The following TMPRSS9 variants were observed in gnomAD, a reference collection of about 807,000 sequenced individuals.
TMPRSS9 encodes the protein transmembrane serine protease 9, also known as transmembrane protease serine 9.
In TMPRSS9, 113 loss-of-function variants were observed where a neutral mutation model predicts 111.4. That is an observed-to-expected ratio of 1.01 (90% CI 0.87 to 1.19). The LOEUF (loss-of-function observed/expected upper bound fraction) is 1.19. TMPRSS9 is among the 50% of genes most tolerant of loss of function. TMPRSS9 has a pLI of 0.00. For synonymous variants in TMPRSS9, 805 were observed against 659.1 expected, an observed-to-expected ratio of 1.22 and a Z score of -3.39; for missense variants, 1,803 against 1,513.1, an observed-to-expected ratio of 1.19 and a Z score of -3.18.
intron 17 of TMPRSS9, 63 bp downstream of exon 18, chr19:2,425,556 G>A: frequency 4.1e-6 from 6 of 1,454,358 alleles, no homozygotes; most frequent in South Asian, 4.0e-5. Flanking sequence ...GCGGGTTCCC[G>A]CTGCCACGAA....
At chr19:2,413,231 G>GT (rs1350185027) in intron 9 of TMPRSS9, among the ~76,000 whole-genome samples, 3 of 151,982 alleles carry the variant, frequency 2.0e-5, no homozygotes, top group Admixed American at 6.6e-5. Flanking sequence ...TACACAGAAC[G>GT]TAAGGGTCAG....
exon 11 of TMPRSS9, chr19:2,415,797 G>C: frequency 1.2e-6 from 2 of 1,605,624 alleles, no homozygotes; most frequent in South Asian, 2.2e-5. Flanking sequence ...GAGCAACTGT[G>C]GTGGGGGACC....
chr19:2,368,142 T>A (rs1970261879), intron 1 of TMPRSS9, among the ~76,000 whole-genome samples: 1 of 152,174 alleles, frequency 6.6e-6, no homozygotes, highest in Non-Finnish European at 1.5e-5. Flanking sequence ...AATAACTTGC[T>A]CTTTCAGGAG....
At position 2,413,738 on chromosome 19, in the gene TMPRSS9, TG is replaced by T. The variant is rs757071710; in HGVS notation, c.1295del (p.Gly432AlafsTer9). On this transcript the variant is annotated frameshift_variant, in exon 10 of 18. Transcript: ENST00000648592. LOFTEE classifies it high-confidence loss of function. ...GACCCCTGGTCTGCGAGGAGCCCTC[TG>T]GCCGGTTCTTTCTGGCTGGCATCGT... is the stretch of plus-strand genomic sequence containing the variant. 1.2e-6 allele frequency: 2 copies of T among 1,613,714 alleles called. No individual in the cohort carries two copies. The highest frequency in any genetic ancestry group is 2.2e-5 in the South Asian group (2 of 91,088).
chr19:2,422,543 C>A (rs1240750144), intron 14 of TMPRSS9, among the ~76,000 whole-genome samples: 2 of 152,134 alleles, frequency 1.3e-5, no homozygotes, highest in Non-Finnish European at 2.9e-5. Flanking sequence ...TGCCACTGCA[C>A]TCCAGCCTGG....
At chr19:2,385,159 AGGGCGGGGCTCGCGGG>A (rs1424692975), upstream of TMPRSS9, among the ~76,000 whole-genome samples, 356 of 29,494 alleles carry the variant, frequency 0.012, 1 homozygote, top group Admixed American at 0.028. Context: ...GAGCTCGCGG[AGGGCGGGGCTCGCGGG>A]GGGCGGGGCT....
chr19:2,416,315 TCCCC>T, intron 11 of TMPRSS9: 1 of 582,384 alleles, frequency 1.7e-6, no homozygotes, highest in East Asian at 2.9e-5. Flanking sequence ...AGCCTGAGGG[TCCCC>T]TGACTTGTCC....
chr19:2,377,468 T>TCCC (rs1970346463), intron 1 of TMPRSS9, among the ~76,000 whole-genome samples: 2 of 50,498 alleles, frequency 4.0e-5, no homozygotes, highest in Middle Eastern at 9.3e-3. Context: ...CCCTCTCCCC[T>TCCC]CTCCCCTCTC....
chr19:2,410,192 C>T (rs1291567952), intron 8 of TMPRSS9, 66 bp from the exon 10 acceptor site: 2 of 1,595,688 alleles, frequency 1.3e-6, no homozygotes, highest in Admixed American at 3.4e-5. Context: ...CCTTCAGCCT[C>T]CCAGCTCAAA....
chr19:2,425,322 T>A, intron 16 of TMPRSS9, 35 bp from the exon 18 acceptor site: 1 of 1,308,894 alleles, frequency 7.6e-7, no homozygotes, highest in East Asian at 3.7e-5. Flanking sequence ...CCGGACGCGG[T>A]CCCCACCCGC....
exon 6 of TMPRSS9, chr19:2,403,174 G>C: frequency 6.2e-7 from 1 of 1,610,522 alleles, no homozygotes; most frequent in Non-Finnish European, 8.5e-7. Context: ...CTGCTCCGAT[G>C]GGTCCGACGA....
chr19:2,406,365 C>T (rs1474505631), intron 7 of TMPRSS9, among the ~76,000 whole-genome samples: 11 of 150,344 alleles, frequency 7.3e-5, no homozygotes, highest in African/African-American at 2.5e-4. Flanking sequence ...CTCAGTCTGT[C>T]GCCCTGGCTG....
chr19:2,424,532 CG>C (rs1347890804), intron 15 of TMPRSS9, among the ~76,000 whole-genome samples: 5 of 136,564 alleles, frequency 3.7e-5, no homozygotes, highest in Non-Finnish European at 6.3e-5. Context: ...CCGGAAGCTG[CG>C]GCCCCCCCCC....
At chr19:2,391,033 AAGGGAGGGAGGG>A (rs1221643971) in intron 1 of TMPRSS9, among the ~76,000 whole-genome samples, 4 of 61,686 alleles carry the variant, frequency 6.5e-5, no homozygotes, top group Admixed American at 2.5e-4. Context: ...GAAAGAAAGA[AAGGGAGGGAGGG>A]AGGGAGGGAG....
intron 1 of TMPRSS9, among the ~76,000 whole-genome samples, chr19:2,361,600 C>T (rs138936930): frequency 1.3e-5 from 2 of 152,228 alleles, no homozygotes; most frequent in East Asian, 1.9e-4. Context: ...GGCTGGGGAC[C>T]GTGGCGTTAT....
At chr19:2,425,310 G>T in intron 16 of TMPRSS9, 43 bp downstream of exon 17, 3 of 1,236,714 alleles carry the variant, frequency 2.4e-6, no homozygotes, top group South Asian at 2.2e-5. Flanking sequence ...CTCGGGGGGC[G>T]GCCGGACGCG....
At position 2,412,289 on chromosome 19, in the gene TMPRSS9, A is replaced by T. The variant is rs576587225; in HGVS notation, c.1255-1411A>T. On this transcript the variant is annotated intron_variant, in intron 9 of 17. Transcript: ENST00000648592. Reference sequence around the variant, plus strand: ...TTTGGTGGTGCATGCCTGTAGTCCCAGCTACTTGAGAGGCTGAGGTGGGAG... The same window carrying T: ...TTTGGTGGTGCATGCCTGTAGTCCCTGCTACTTGAGAGGCTGAGGTGGGAG... Among the ~76,000 whole-genome samples the T allele has an allele frequency of 2.0e-5, 3 of 152,266 alleles. No homozygotes were observed. The East Asian group carries it at 5.8e-4, about 29-fold the overall frequency.
chr19:2,398,973 G>A (rs1278365105), intron 3 of TMPRSS9, 45 bp from the exon 5 acceptor site: 1 of 1,586,274 alleles, frequency 6.3e-7, no homozygotes, highest in Admixed American at 1.7e-5. Context: ...ATTCCAGCAG[G>A]GCGGAGCCCC....
chr19:2,393,231 G>A lies in TMPRSS9; in HGVS notation c.142+3304G>A, dbSNP rs112389972. On this transcript the variant is annotated intron_variant, in intron 1 of 17. Coordinates refer to ENST00000648592, the Ensembl canonical transcript of TMPRSS9. ...CGAGAAATCTTGCTGCTGCTCACTCGTTGGGTGTGAGATGCTTTTATGAGC... is the reference window on the plus strand; with the variant it reads ...CGAGAAATCTTGCTGCTGCTCACTCATTGGGTGTGAGATGCTTTTATGAGC... 8.5e-4 allele frequency among the ~76,000 whole-genome samples: 130 copies of A among 152,218 alleles called. 1 individual carries two copies. The highest frequency in any genetic ancestry group is 2.9e-3 in the African/African-American group (122 of 41,538).
Sources: allele counts gnomAD v4.1 joint callset (sites outside exome capture counted in the v4.1 genomes callset), GRCh38; gene constraint gnomAD v4.1.1; transcripts MANE v1.5; gene names NCBI Gene and HGNC (gene_info 2026-07-23, HGNC 2026-07-21).